KLHL2: variants seen among roughly 807,000 people sequenced by gnomAD.
KLHL2 encodes the protein kelch-like protein 2.
In KLHL2, 15 loss-of-function variants were observed where a neutral mutation model predicts 75.8. The observed-to-expected ratio is 0.20, with a 90% confidence interval of 0.13 to 0.30. The LOEUF (loss-of-function observed/expected upper bound fraction) is 0.30. KLHL2 is among the 10% of genes least tolerant of loss of function. The probability of loss-of-function intolerance (pLI) is 1.00; values close to 1 mark genes in which losing one functional copy is unlikely to be tolerated. For synonymous variants in KLHL2, 214 were observed against 251.9 expected, an observed-to-expected ratio of 0.85 and a Z score of 1.42; for missense variants, 381 against 741.0, an observed-to-expected ratio of 0.51 and a Z score of 5.64.
At chr4:165,312,695 T>A (rs1389549290) in intron 11 of KLHL2, among the ~76,000 whole-genome samples, 2 of 152,232 alleles carry the variant, frequency 1.3e-5, no homozygotes, top group Non-Finnish European at 2.9e-5. Context: ...TTTCTATCAC[T>A]TAGAGATTTG....
At chr4:165,289,937 A>G (rs1744383898) in intron 5 of KLHL2, among the ~76,000 whole-genome samples, 1 of 152,226 alleles carries the variant, frequency 6.6e-6, no homozygotes. Context: ...GAAGAAACTT[A>G]ACCCAAAATC....
intron 4 of KLHL2, among the ~76,000 whole-genome samples, chr4:165,239,264 C>CTT (rs60521648): frequency 0.059 from 7,898 of 134,754 alleles, 572 homozygotes; most frequent in African/African-American, 0.17. Context: ...TTATTTCTGT[C>CTT]TTTTTTTTTT....
intron 14 of KLHL2, chr4:165,321,370 T>C (rs993395020): frequency 2.2e-6 from 1 of 451,836 alleles, no homozygotes; most frequent in Non-Finnish European, 4.4e-6. Context: ...TTCCCCTTAA[T>C]GAATAGTAAA....
intron 1 of KLHL2, among the ~76,000 whole-genome samples, chr4:165,212,681 G>A (rs1309147935): frequency 6.6e-6 from 1 of 152,162 alleles, no homozygotes; most frequent in Non-Finnish European, 1.5e-5. Flanking sequence ...AGTGGTAGGT[G>A]TCTTATTTAT....
At chr4:165,299,261 C>T (rs548549023) in intron 7 of KLHL2, among the ~76,000 whole-genome samples, 2 of 152,138 alleles carry the variant, frequency 1.3e-5, no homozygotes, top group Non-Finnish European at 2.9e-5. Context: ...TGAAGTTTAT[C>T]ATTTTTCACT....
At position 165,320,017 on chromosome 4, in the gene KLHL2, G is replaced by A. The variant is rs116688934; in HGVS notation, c.1754-2015G>A. ...CTTGATAATTTTGGAAAGGGGTTTGGCTCAAAAAATGTCAAGATAACAGGA... is the reference window on the plus strand; with the variant it reads ...CTTGATAATTTTGGAAAGGGGTTTGACTCAAAAAATGTCAAGATAACAGGA... On this transcript the variant is annotated intron_variant, in intron 14 of 14. Transcript: ENST00000226725. Among the ~76,000 whole-genome samples, 845 of 152,176 alleles carry A rather than the reference G, an allele frequency of 5.6e-3. 11 individuals carry two copies. The highest frequency in any genetic ancestry group is 0.019 in the African/African-American group (782 of 41,508).
At chr4:165,243,149 T>C (rs1362665608) in intron 4 of KLHL2, among the ~76,000 whole-genome samples, 2 of 152,218 alleles carry the variant, frequency 1.3e-5, no homozygotes, top group Non-Finnish European at 2.9e-5. Context: ...ATACATGCTA[T>C]GTCATTAGAT....
intron 4 of KLHL2, among the ~76,000 whole-genome samples, chr4:165,242,000 T>C (rs1278349010): frequency 3.9e-5 from 6 of 152,328 alleles, no homozygotes; most frequent in South Asian, 2.1e-4. Context: ...TTGTTGCTGC[T>C]GTTGTTTTTT....
Position 165,290,130 on chromosome 4 carries a change from A to G in KLHL2, c.545-4229A>G, listed in dbSNP as rs547260704. ...TTCATTAAAATGAATTTATTTCTCA[A>G]TATTTTAGAGCTCTTTTTTTATTTG... On this transcript the variant is annotated intron_variant, in intron 5 of 14. Coordinates refer to ENST00000226725, the MANE Select transcript of KLHL2 (RefSeq NM_007246.4). Among the ~76,000 whole-genome samples, 10 of 151,948 alleles carry G rather than the reference A, an allele frequency of 6.6e-5. No homozygotes were observed. The South Asian group carries it at 1.7e-3, about 25-fold the overall frequency.
chr4:165,313,997 C>T, intron 12 of KLHL2, 29 bp from the exon 13 acceptor site: 3 of 1,581,438 alleles, frequency 1.9e-6, no homozygotes, highest in Non-Finnish European at 1.7e-6. Flanking sequence ...TTCTTTTTGC[C>T]CCTCTATTTG....
At chr4:165,311,837 GTGTGTGTGTTTGACTTATATAAC>G (rs1448569785) in intron 11 of KLHL2, among the ~76,000 whole-genome samples, 3 of 145,746 alleles carry the variant, frequency 2.1e-5, no homozygotes, top group South Asian at 4.4e-4. Context: ...GTGTGTGTGT[GTGTGTGTGTTTGACTTATATAAC>G]TGTGTGTGTT....
intron 12 of KLHL2, among the ~76,000 whole-genome samples, chr4:165,313,767 CTG>C (rs1373773445): frequency 6.6e-6 from 1 of 152,080 alleles, no homozygotes; most frequent in Non-Finnish European, 1.5e-5. Flanking sequence ...TTTTCCCTCC[CTG>C]TGTTTCACCT....
At chr4:165,270,073 C>T (rs1742564842) in intron 5 of KLHL2, among the ~76,000 whole-genome samples, 2 of 152,130 alleles carry the variant, frequency 1.3e-5, no homozygotes, top group Admixed American at 1.3e-4. Context: ...TTAATTTGAT[C>T]TTCAATCAGT....
At chr4:165,306,735 C>T (rs1426110233) in intron 9 of KLHL2, among the ~76,000 whole-genome samples, 3 of 152,040 alleles carry the variant, frequency 2.0e-5, no homozygotes, top group African/African-American at 7.2e-5. Context: ...TGATTTTTGC[C>T]ATTTTAATAG....
chr4:165,215,195 A>G (rs1040166097), intron 1 of KLHL2, among the ~76,000 whole-genome samples: 31 of 152,188 alleles, frequency 2.0e-4, no homozygotes, highest in Non-Finnish European at 3.4e-4. Flanking sequence ...CAACCCTACC[A>G]TAGACCCAAA....
At chr4:165,293,843 G>A (rs1451769441) in intron 5 of KLHL2, among the ~76,000 whole-genome samples, 1 of 151,866 alleles carries the variant, frequency 6.6e-6, no homozygotes, top group African/African-American at 2.4e-5. Flanking sequence ...AAAAATGTTG[G>A]TCATATATTC....
At position 165,322,178 on chromosome 4, in the gene KLHL2, A is replaced by C; in HGVS notation, c.*118A>C. On this transcript the variant is annotated 3_prime_UTR_variant, in exon 15 of 15. Coordinates refer to ENST00000226725, the MANE Select transcript of KLHL2 (RefSeq NM_007246.4). Reference sequence around the variant, plus strand: ...TAGCTGCACTTTAAGTCTCAGCAGAAGATACGATCGTCTGCCTTTATAGGC... The same window carrying C: ...TAGCTGCACTTTAAGTCTCAGCAGACGATACGATCGTCTGCCTTTATAGGC... The C allele has an allele frequency of 2.1e-6, 2 of 974,692 alleles. No homozygotes were observed. The highest frequency in any genetic ancestry group is 3.3e-6 in the Non-Finnish European group (2 of 608,816). The allele number at this position is 974,692 out of a possible 1,614,324, so 60.4% of individuals were successfully genotyped here.
rs1317119468 is a variant in KLHL2, at chr4:165,264,900, C to T, written c.544+1541C>T. Among the ~76,000 whole-genome samples the T allele has an allele frequency of 2.0e-5, 3 of 150,990 alleles. No individual in the cohort carries two copies. The Admixed American group carries it at 2.0e-4, about 10-fold the overall frequency. ...TGATTTCTTTTCCTTTAGGTAGATA[C>T]TCGGTAGTGAAATTGCTGGATTGGA... is the stretch of plus-strand genomic sequence containing the variant. On this transcript the variant is annotated intron_variant, in intron 5 of 14. Transcript: ENST00000226725.
chr4:165,311,083 T>A (rs1247656817), intron 10 of KLHL2, among the ~76,000 whole-genome samples: 1 of 152,098 alleles, frequency 6.6e-6, no homozygotes, highest in Admixed American at 6.5e-5. Context: ...GGTCTCAATC[T>A]CCTGACTTTG....
Sources: gnomAD v4.1 joint callset for allele counts (sites outside exome capture counted in the v4.1 genomes callset) on GRCh38, gnomAD v4.1.1 for gene constraint, MANE v1.5 for transcripts, NCBI Gene and HGNC (gene_info 2026-07-23, HGNC 2026-07-21) for gene names.